The following CSMD1 variants were observed in gnomAD, a reference collection of about 807,000 sequenced individuals.
CSMD1 encodes the protein CUB and Sushi multiple domains 1.
A neutral mutation model predicts 417.5 loss-of-function variants in CSMD1; 213 were observed. The observed-to-expected ratio is 0.51, with a 90% CI of 0.46 to 0.57. The LOEUF is 0.57. CSMD1 is among the 20% of genes least tolerant of loss of function. The pLI is 0.00. For missense variants in CSMD1, 6,923 were observed against 4,529.7 expected, an observed-to-expected ratio of 1.53 and a Z score of -15.17; for synonymous variants, 2,862 against 1,736.8, an observed-to-expected ratio of 1.65 and a Z score of -16.11.
At chr8:3,248,440 G>A (rs566617436) in intron 26 of CSMD1, among the ~76,000 whole-genome samples, 1 of 151,746 alleles carries the variant, frequency 6.6e-6, no homozygotes, top group African/African-American at 2.4e-5. Flanking sequence ...GGAAATGGCT[G>A]GAAGTGTGAG....
At chr8:3,902,878 C>T (rs372117894) in intron 5 of CSMD1, among the ~76,000 whole-genome samples, 2 of 150,364 alleles carry the variant, frequency 1.3e-5, no homozygotes, top group African/African-American at 4.9e-5. Flanking sequence ...ACTTTCCTTC[C>T]ATCTAACAGC....
At position 3,041,953 on chromosome 8, in the gene CSMD1, G is replaced by A. The variant is rs541894535; in HGVS notation, c.7660+10509C>T. On this transcript the variant is annotated intron_variant, in intron 50 of 69. Coordinates refer to ENST00000635120, the MANE Select transcript of CSMD1 (RefSeq NM_033225.6). Reference sequence around the variant, plus strand: ...GTCCTCTTGGTTTCAGAATATGTTAGTGATTATTGGCCACCCTTCATCTCT... The same window carrying A: ...GTCCTCTTGGTTTCAGAATATGTTAATGATTATTGGCCACCCTTCATCTCT... Among the ~76,000 whole-genome samples the A allele has an allele frequency of 5.9e-5, 9 of 152,306 alleles. No individual in the cohort carries two copies. The South Asian group carries it at 1.5e-3, about 25-fold the overall frequency.
At chr8:3,516,518 C>T (rs902247487) in intron 10 of CSMD1, among the ~76,000 whole-genome samples, 1 of 152,206 alleles carries the variant, frequency 6.6e-6, no homozygotes, top group African/African-American at 2.4e-5. Flanking sequence ...CCTCTCATTA[C>T]ACCTTTGTGA....
chr8:4,198,203 G>A (rs1585006383), intron 3 of CSMD1, among the ~76,000 whole-genome samples: 1 of 152,172 alleles, frequency 6.6e-6, no homozygotes, highest in African/African-American at 2.4e-5. Context: ...AGAGTCCAAG[G>A]TAGCAAATAC....
intron 5 of CSMD1, among the ~76,000 whole-genome samples, chr8:3,947,774 G>C (rs1210010807): frequency 6.6e-6 from 1 of 152,170 alleles, no homozygotes; most frequent in East Asian, 1.9e-4. Flanking sequence ...GCGGTTGAAA[G>C]GACTGTGTCT....
At chr8:3,893,339 T>TTATA (rs56848640) in intron 5 of CSMD1, among the ~76,000 whole-genome samples, 4,997 of 80,458 alleles carry the variant, frequency 0.062, 494 homozygotes, top group African/African-American at 0.13. Flanking sequence ...ATTCACAATT[T>TTATA]TATATATATA....
At chr8:3,809,139 C>G (rs924088799) in intron 5 of CSMD1, among the ~76,000 whole-genome samples, 5 of 152,154 alleles carry the variant, frequency 3.3e-5, no homozygotes, top group African/African-American at 1.2e-4. Flanking sequence ...GAATATCTTC[C>G]TCTTTCCCCT....
chr8:4,042,139 T>A (rs1016212428), intron 3 of CSMD1, among the ~76,000 whole-genome samples: 6 of 151,992 alleles, frequency 3.9e-5, no homozygotes, highest in African/African-American at 1.4e-4. Context: ...ACCTAAAAAC[T>A]TCAAAATTTA....
intron 41 of CSMD1, among the ~76,000 whole-genome samples, chr8:3,141,604 C>A (rs1236458425): frequency 6.6e-6 from 1 of 152,104 alleles, no homozygotes; most frequent in African/African-American, 2.4e-5. Flanking sequence ...AACATCAGTG[C>A]TTGAGATATG....
intron 1 of CSMD1, among the ~76,000 whole-genome samples, chr8:4,942,769 C>G (rs1427190931): frequency 2.0e-5 from 3 of 152,154 alleles, no homozygotes; most frequent in African/African-American, 7.2e-5. Flanking sequence ...ATGACATACA[C>G]AGATGATGTA....
chr8:3,318,924 G>C (rs945669391), intron 23 of CSMD1, among the ~76,000 whole-genome samples: 2 of 152,110 alleles, frequency 1.3e-5, no homozygotes, highest in African/African-American at 4.8e-5. Context: ...GCTGCTTTCA[G>C]CTTTACAAAT....
intron 1 of CSMD1, among the ~76,000 whole-genome samples, chr8:4,984,389 C>T (rs149701665): frequency 1.1e-4 from 17 of 152,310 alleles, no homozygotes; most frequent in African/African-American, 3.6e-4. Context: ...CAGTAGTGTA[C>T]GCTTCCGATC....
chr8:4,121,994 T>C (rs192842345), intron 3 of CSMD1, among the ~76,000 whole-genome samples: 17 of 152,188 alleles, frequency 1.1e-4, no homozygotes, highest in Non-Finnish European at 1.5e-4. Flanking sequence ...TACTAAAATA[T>C]TTTTAATCAT....
chr8:3,556,975 A>G (rs1799184547), intron 10 of CSMD1, among the ~76,000 whole-genome samples: 1 of 152,206 alleles, frequency 6.6e-6, no homozygotes, highest in Admixed American at 6.5e-5. Context: ...GTCAAGCAGA[A>G]CCCAGCACCC....
intron 7 of CSMD1, among the ~76,000 whole-genome samples, chr8:3,646,553 G>A (rs1425098464): frequency 6.6e-6 from 1 of 152,178 alleles, no homozygotes; most frequent in Non-Finnish European, 1.5e-5. Context: ...ATTTCACAAT[G>A]CATGAGCTTG....
chr8:3,814,412 C>A (rs548932068), intron 5 of CSMD1, among the ~76,000 whole-genome samples: 2 of 152,302 alleles, frequency 1.3e-5, no homozygotes, highest in South Asian at 4.1e-4. Flanking sequence ...AACTTAAAAA[C>A]AAACACCTGT....
chr8:4,725,107 A>G (rs1374482271), intron 1 of CSMD1, among the ~76,000 whole-genome samples: 1 of 152,234 alleles, frequency 6.6e-6, no homozygotes, highest in Non-Finnish European at 1.5e-5. Context: ...AATTAAATGT[A>G]TCCTGAAAGG....
intron 11 of CSMD1, chr8:3,469,109 G>C (rs1031277847): frequency 1.1e-4 from 29 of 269,174 alleles, no homozygotes; most frequent in Admixed American, 8.3e-4. Context: ...GGAACCGAGA[G>C]GCTTCCCCAG....
chr8:4,819,532 G>C lies in CSMD1; in HGVS notation c.85+174800C>G, dbSNP rs145576227. Among the ~76,000 whole-genome samples the C allele has an allele frequency of 3.8e-3, 573 of 152,184 alleles. 4 individuals are homozygous for C. The highest frequency in any genetic ancestry group is 0.013 in the African/African-American group (521 of 41,518). ...ATTAATTCTGATTTTATTTTCCCTTGTGTTAGAATCTCAAATTTTGATGAC... is the reference window on the plus strand; with the variant it reads ...ATTAATTCTGATTTTATTTTCCCTTCTGTTAGAATCTCAAATTTTGATGAC... On this transcript the variant is annotated intron_variant, in intron 1 of 69. Transcript: ENST00000635120.
Sources: gnomAD v4.1 joint callset for allele counts (sites outside exome capture counted in the v4.1 genomes callset) on GRCh38, gnomAD v4.1.1 for gene constraint, MANE v1.5 for transcripts, NCBI Gene and HGNC (gene_info 2026-07-23, HGNC 2026-07-21) for gene names.